The following CFAP74 variants were observed in gnomAD, a reference collection of about 807,000 sequenced individuals.
CFAP74 encodes cilia- and flagella-associated protein 74.
In CFAP74, 124 loss-of-function variants were observed where a neutral mutation model predicts 188.9. The ratio of observed to expected loss-of-function variants is 0.66; its 90% CI spans 0.57 to 0.76. CFAP74 has a LOEUF of 0.76. Ranked by LOEUF, CFAP74 falls within the 30% of genes least tolerant of loss-of-function variation. The pLI is 0.00. For missense variants in CFAP74, 2,198 were observed against 2,165.2 expected, an observed-to-expected ratio of 1.02 and a Z score of -0.30; for synonymous variants, 956 against 916.7, an observed-to-expected ratio of 1.04 and a Z score of -0.77.
chr1:1,987,174 A>T, intron 4 of CFAP74, 139 bp from the exon 5 acceptor site: 2 of 630,170 alleles, frequency 3.2e-6, no homozygotes, highest in Non-Finnish European at 5.5e-6. Flanking sequence ...GGTCTCTCTA[A>T]CACCTTCAAG....
At chr1:1,925,511 G>A (rs1651813307) in intron 33 of CFAP74, among the ~76,000 whole-genome samples, 1 of 152,198 alleles carries the variant, frequency 6.6e-6, no homozygotes, top group Admixed American at 6.5e-5. Flanking sequence ...CTCTGTGCAG[G>A]GGCTGAGGAG....
Position 1,927,022 on chromosome 1 carries a change from G to A in CFAP74, c.3534C>T (p.Asp1178=), listed in dbSNP as rs1388238386. ...MRKRELRPSS[D]EYQAARATLL... ...GGGTGGCTCGGGCGGCCTGGTACTC[G>A]TCGGAACTAGAAGGAAGTCAGAGGC... Residue 1178 remains aspartate (D), a synonymous_variant, in exon 29 of 39, where the codon GAC becomes GAT. Transcript: ENST00000682832. The A allele has an allele frequency of 1.3e-5, 20 of 1,550,060 alleles. No individual in the cohort carries two copies. In the African/African-American group the frequency reaches 1.4e-4, roughly 11 times the overall value.
At chr1:1,925,609 T>G (rs1651821481) in intron 33 of CFAP74, among the ~76,000 whole-genome samples, 174 bp downstream of exon 33, 1 of 152,102 alleles carries the variant, frequency 6.6e-6, no homozygotes, top group African/African-American at 2.4e-5. Flanking sequence ...CCGGGTTCCC[T>G]GCAGGAGAGG....
chr1:1,986,954 C>T lies in CFAP74; in HGVS notation c.378G>A (p.Glu126=). Residue 126 remains glutamate, a synonymous_variant, in exon 5 of 39, where the codon GAG becomes GAA. Coordinates refer to ENST00000682832, the MANE Select transcript of CFAP74 (RefSeq NM_001304360.2). ...CCACCTACATGTTGCCCGCCTCTTCCTCTGTGGCGATCTCGGCTGCCACAG... is the reference window on the plus strand; with the variant it reads ...CCACCTACATGTTGCCCGCCTCTTCTTCTGTGGCGATCTCGGCTGCCACAG... The part of the protein sequence containing the change: ...QEAVAAEIAT[E]EEAGNMAAVG... 6.2e-7 allele frequency: 1 copy of T among 1,601,914 alleles called. No individual in the cohort carries two copies. The highest frequency in any genetic ancestry group is 8.5e-7 in the Non-Finnish European group (1 of 1,179,682).
chr1:1,927,799 G>T, intron 27 of CFAP74, 53 bp from the exon 28 acceptor site: 1 of 1,516,030 alleles, frequency 6.6e-7, no homozygotes, highest in Non-Finnish European at 8.9e-7. Flanking sequence ...AACACAGCCA[G>T]CTGTGCCCCG....
At chr1:1,980,713 G>C (rs1656786166) in intron 6 of CFAP74, among the ~76,000 whole-genome samples, 1 of 152,246 alleles carries the variant, frequency 6.6e-6, no homozygotes, top group African/African-American at 2.4e-5. Flanking sequence ...GACACATGCA[G>C]CATCCCGTCT....
intron 18 of CFAP74, among the ~76,000 whole-genome samples, chr1:1,948,523 G>A (rs1264454867): frequency 6.6e-6 from 1 of 150,676 alleles, no homozygotes. Context: ...GCCCTCTAAA[G>A]TATTGGGATT....
chr1:1,967,307 G>A (rs1056501281), intron 11 of CFAP74, among the ~76,000 whole-genome samples: 14 of 152,126 alleles, frequency 9.2e-5, no homozygotes, highest in African/African-American at 2.7e-4. Context: ...GGTAGACAGG[G>A]TTCTTCTTCC....
intron 6 of CFAP74, among the ~76,000 whole-genome samples, chr1:1,983,064 C>T (rs774787718): frequency 3.3e-5 from 5 of 152,272 alleles, no homozygotes; most frequent in East Asian, 1.9e-4. Flanking sequence ...GCTGGAGCAC[C>T]CAGACCAATC....
intron 18 of CFAP74, among the ~76,000 whole-genome samples, chr1:1,950,529 G>A (rs764965841): frequency 6.6e-5 from 10 of 151,980 alleles, no homozygotes; most frequent in Non-Finnish European, 7.4e-5. Context: ...TAGTAGAGAC[G>A]GGGTTTTGCC....
intron 5 of CFAP74, 138 bp from the exon 6 acceptor site, chr1:1,985,628 T>C (rs1570979447): frequency 1.5e-6 from 1 of 680,642 alleles, no homozygotes. Flanking sequence ...CAATGGAGCG[T>C]GGGGCTGGCG....
chr1:1,993,843 G>C (rs575211626), intron 1 of CFAP74, among the ~76,000 whole-genome samples: 1 of 150,910 alleles, frequency 6.6e-6, no homozygotes, highest in Non-Finnish European at 1.5e-5. Flanking sequence ...TTAGCCGGGC[G>C]TGGTGGCGGG....
rs887515443 is a variant in CFAP74, at chr1:1,939,770, G to A, written c.2704-3C>T. 6.5e-7 allele frequency: 1 copy of A among 1,533,196 alleles called. No homozygotes were observed. The highest frequency in any genetic ancestry group is 1.4e-5 in the African/African-American group (1 of 72,982). The allele number at this position is 1,533,196 out of a possible 1,614,324, so 95.0% of individuals were successfully genotyped here. On this transcript the variant is annotated splice_region_variant and splice_polypyrimidine_tract_variant and intron_variant, in intron 23 of 38. Coordinates refer to ENST00000682832, the MANE Select transcript of CFAP74 (RefSeq NM_001304360.2). ...ACGGTGAATCCCACTGGCTTGTTCT[G>A]AGACATAAAGGGCACAGGCGCCCTC...
At chr1:1,925,289 C>T (rs572177152) in intron 33 of CFAP74, among the ~76,000 whole-genome samples, 22 of 144,026 alleles carry the variant, frequency 1.5e-4, no homozygotes, top group African/African-American at 6.1e-4. Context: ...CACGCTGGTG[C>T]AAAGGCATGA....
rs1338618062 is a variant in CFAP74 at position 1,930,105 on chromosome 1, C to T, written c.3243G>A (p.Ser1081=). ...TSFEFLLPPD[S]PITISPSVGT... is the part of the protein sequence containing the mutation. ...CCACTGAGGGCGAGATGGTGATAGG[C>T]GAGTCTGGGGGCAGCAGGAACTCGA... The change falls in exon 26 of 39, where the codon TCG becomes TCA. Residue 1081 remains serine (S), a synonymous_variant. Coordinates refer to ENST00000682832, the MANE Select transcript of CFAP74 (RefSeq NM_001304360.2). The T allele has an allele frequency of 2.0e-5, 30 of 1,534,112 alleles. No individual in the cohort carries two copies. Among genetic ancestry groups the T allele is most frequent in the African/African-American group, 5.5e-5 (4 of 72,998 alleles).
intron 1 of CFAP74, among the ~76,000 whole-genome samples, chr1:1,994,698 C>A (rs370295692): frequency 2.6e-5 from 4 of 152,218 alleles, no homozygotes; most frequent in African/African-American, 9.6e-5. Context: ...TGTCAGTCTT[C>A]TAAAAGGTGT....
At chr1:1,977,501 A>T (rs1310005479) in intron 6 of CFAP74, among the ~76,000 whole-genome samples, 5 of 152,186 alleles carry the variant, frequency 3.3e-5, no homozygotes, top group African/African-American at 1.2e-4. Context: ...TCTGGCCCAG[A>T]TGCTCCCAGG....
intron 9 of CFAP74, among the ~76,000 whole-genome samples, 180 bp from the exon 10 acceptor site, chr1:1,970,996 ACACGCACACC>A (rs1655947376): frequency 6.8e-6 from 1 of 147,288 alleles, no homozygotes; most frequent in African/African-American, 2.6e-5. Flanking sequence ...GTGCACACAC[ACACGCACACC>A]TGCACATGCA....
chr1:1,930,997 C>T (rs1409638146), intron 25 of CFAP74, among the ~76,000 whole-genome samples: 2 of 152,088 alleles, frequency 1.3e-5, no homozygotes, highest in Non-Finnish European at 2.9e-5. Flanking sequence ...TGATTTTTGT[C>T]CTAATTGTAT....
Sources: allele counts gnomAD v4.1 joint callset (sites outside exome capture counted in the v4.1 genomes callset), GRCh38; gene constraint gnomAD v4.1.1; transcripts MANE v1.5; gene names NCBI Gene and HGNC (gene_info 2026-07-23, HGNC 2026-07-21).